NFATC4: variants seen among roughly 807,000 people sequenced by gnomAD.
The protein encoded by NFATC4 is nuclear factor of activated T cells 4, also known as nuclear factor of activated T-cells, cytoplasmic 4.
NFATC4 carries 25 observed loss-of-function variants against 73.4 expected under a neutral mutation model. The observed-to-expected ratio is 0.34, with a 90% CI of 0.25 to 0.48. The LOEUF is 0.48. Ranked by LOEUF, NFATC4 falls within the 20% of genes least tolerant of loss-of-function variation. The probability of loss-of-function intolerance (pLI) is 0.99; values close to 1 mark genes in which losing one functional copy is unlikely to be tolerated. For missense variants in NFATC4, 1,130 were observed against 1,203.7 expected (o/e 0.94, Z 0.91); for synonymous variants, 523 against 510.3 (o/e 1.02, Z -0.34).
At position 24,369,559 on chromosome 14, in the gene NFATC4, A is replaced by G; in HGVS notation, c.161A>G (p.Tyr54Cys). Residue 54 changes from tyrosine (Y) to cysteine (C), a missense_variant, in exon 2 of 10, where the codon TAT (tyrosine) becomes TGT (cysteine). Around this residue, in one of 3 missense-constraint regions of NFATC4, gnomAD observed 585 missense variants for 574.3 expected, o/e 1.02. Transcript: ENST00000250373. ...CTGGCCTTGGGAGAGCCCCCTCCCT[A>G]TGGCGCTGCACCTATCGGTATTCCC... ...CRLALGEPPP[Y>C]GAAPIGIPRP... 1 of 1,610,814 alleles carries G rather than the reference A, an allele frequency of 6.2e-7. No individual in the cohort carries two copies. The highest frequency in any genetic ancestry group is 8.5e-7 in the Non-Finnish European group (1 of 1,178,046).
chr14:24,373,198 A>T lies in NFATC4; in HGVS notation c.1387A>T (p.Thr463Ser). ...CCTAGGCTACAGTGAGAAGCCACTG[A>T]CCCTACAGATGTTCATCGGCACTGC... ...KLLGYSEKPLTLQMFIGTADE... is the reference protein window; with the variant it reads ...KLLGYSEKPLSLQMFIGTADE... The change falls in exon 4 of 10, where the codon ACC becomes TCC. Residue 463 changes from threonine to serine, a missense_variant. Thr to Ser is a moderately conservative substitution (Grantham distance 58, BLOSUM62 1). Coordinates refer to ENST00000250373, the MANE Select transcript of NFATC4 (RefSeq NM_004554.5). The surrounding 1 kb of genome is among the most constrained non-coding windows in gnomAD (Gnocchi z 4.7). 1 of 1,614,138 alleles carries T rather than the reference A, an allele frequency of 6.2e-7. No individual in the cohort carries two copies. The highest frequency in any genetic ancestry group is 2.2e-5 in the East Asian group (1 of 44,880).
Position 24,376,715 on chromosome 14 carries a change from C to T in NFATC4, c.2478C>T (p.Phe826=). The change falls in exon 9 of 10, where the codon TTC becomes TTT. Residue 826 remains phenylalanine (F), a synonymous_variant. Coordinates refer to ENST00000250373, the MANE Select transcript of NFATC4 (RefSeq NM_004554.5). This position sits in a 1 kb window ranked among gnomAD's most constrained non-coding sequence, Gnocchi z 5.0. ...CATCCCCACCGCTTGAAGGCCCCTT[C>T]CCTTCCCAGAGTGATGTGCATCCCC... ...LPASPPLEGP[F]PSQSDVHPLP... is the part of the protein sequence containing the mutation. 1 of 1,613,970 alleles carries T rather than the reference C, an allele frequency of 6.2e-7. No homozygotes were observed. Among genetic ancestry groups the T allele is most frequent in the South Asian group, 1.1e-5 (1 of 91,074 alleles).
chr14:24,374,072 T>C (rs751878261), intron 5 of NFATC4: 1 of 897,014 alleles, frequency 1.1e-6, no homozygotes, highest in Non-Finnish European at 1.8e-6. Flanking sequence ...CTGGACCCTA[T>C]CTATTCCTGG....
At chr14:24,367,338 T>A, upstream of NFATC4, 1 of 1,537,670 alleles carries the variant, frequency 6.5e-7, no homozygotes, top group Non-Finnish European at 8.7e-7. Flanking sequence ...AGAGCCGGAG[T>A]GGGATGCTAT....
At chr14:24,375,384 TCAA>T (rs2042585318) in intron 6 of NFATC4, among the ~76,000 whole-genome samples, 1 of 152,132 alleles carries the variant, frequency 6.6e-6, no homozygotes, top group African/African-American at 2.4e-5. Context: ...GTGGGAGGGC[TCAA>T]GGGTTGCTTC....
Position 24,374,462 on chromosome 14 carries a change from T to C in NFATC4, c.1869T>C (p.Gly623=). ...CCAAGGTGGTGTTCATTGAGAGGGGTCCTGGTGAGTACCTGCTGGGGAGGG... is the reference window on the plus strand; with the variant it reads ...CCAAGGTGGTGTTCATTGAGAGGGGCCCTGGTGAGTACCTGCTGGGGAGGG... ...PDSKVVFIER[G]PDGKLQWEEE... The change falls in exon 6 of 10, where the codon GGT becomes GGC. Residue 623 remains glycine (G), a synonymous_variant. Transcript: ENST00000250373. 6.2e-7 allele frequency: 1 copy of C among 1,611,882 alleles called. No homozygotes were observed. The highest frequency in any genetic ancestry group is 8.5e-7 in the Non-Finnish European group (1 of 1,178,692).
upstream of NFATC4, chr14:24,367,360 T>G (rs761989062): frequency 2.4e-5 from 37 of 1,536,128 alleles, no homozygotes; most frequent in Non-Finnish European, 3.0e-5. Context: ...GGGTCAGAGA[T>G]TCATTCCAGA....
intron 6 of NFATC4, among the ~76,000 whole-genome samples, chr14:24,375,381 G>A (rs2042584815): frequency 6.6e-6 from 1 of 152,070 alleles, no homozygotes; most frequent in Non-Finnish European, 1.5e-5. Flanking sequence ...TGGGTGGGAG[G>A]GCTCAAGGGT....
At position 24,378,251 on chromosome 14, in the gene NFATC4, A is replaced by G. The variant is rs2042681842; in HGVS notation, c.*546A>G. The G allele has an allele frequency of 6.2e-6, 1 of 162,086 alleles. No individual in the cohort carries two copies. Among genetic ancestry groups the G allele is most frequent in the Admixed American group, 5.6e-5 (1 of 17,872 alleles). 10.0% of individuals were successfully genotyped at this position (162,086 alleles called of 1,614,324 possible). ...TTGACTGGGACCAGGATTGGGGGCC[A>G]GGGCTTGAGTAGGCCTCTCCACTCT... On this transcript the variant is annotated 3_prime_UTR_variant, in exon 10 of 10. Transcript: ENST00000250373.
Position 24,373,934 on chromosome 14 carries a change from G to A in NFATC4, c.1732+67G>A. ...CTCTTTTGTCTGTGTGTGTGTGTCTGTCTGCCCATTCCCTCTGCAGCGTCC... is the reference window on the plus strand; with the variant it reads ...CTCTTTTGTCTGTGTGTGTGTGTCTATCTGCCCATTCCCTCTGCAGCGTCC... On this transcript the variant is annotated intron_variant, in intron 5 of 9. Coordinates refer to ENST00000250373, the MANE Select transcript of NFATC4 (RefSeq NM_004554.5). The surrounding 1 kb of genome is among the most constrained non-coding windows in gnomAD (Gnocchi z 4.7). 6.3e-7 allele frequency: 1 copy of A among 1,590,246 alleles called. No homozygotes were observed. Among genetic ancestry groups the A allele is most frequent in the Non-Finnish European group, 8.6e-7 (1 of 1,164,976 alleles).
intron 2 of NFATC4, among the ~76,000 whole-genome samples, chr14:24,371,251 A>C (rs1360305787): frequency 6.6e-6 from 1 of 152,248 alleles, no homozygotes; most frequent in Non-Finnish European, 1.5e-5. Flanking sequence ...AGGGGAAAGA[A>C]ACGTTAACAC....
rs1198506373 is a variant in NFATC4 at position 24,368,963 on chromosome 14, C to T, written c.100+523C>T. The T allele has an allele frequency of 1.4e-5, 14 of 988,012 alleles. No individual in the cohort carries two copies. The African/African-American group carries it at 2.4e-4, about 17-fold the overall frequency. The allele number at this position is 988,012 out of a possible 1,614,324, so 61.2% of individuals were successfully genotyped here. A position where few individuals can be genotyped will look rare whatever the true frequency, so the allele number is the denominator to read the frequency against. ...GCGCTGCCCGCTGCCCCCCTTCCCC[C>T]GGCTGGGCCCAGCACGCATCACCCC... is the stretch of plus-strand genomic sequence containing the variant. On this transcript the variant is annotated intron_variant, in intron 1 of 9. Transcript: ENST00000250373.
intron 5 of NFATC4, 68 bp from the exon 6 acceptor site, chr14:24,374,258 G>T (rs757193536): frequency 1.1e-4 from 166 of 1,545,932 alleles, no homozygotes; most frequent in Non-Finnish European, 1.4e-4. Flanking sequence ...CCCAAAGAGG[G>T]TGGGGACAGA....
intron 2 of NFATC4, 157 bp from the exon 3 acceptor site, chr14:24,372,284 C>T: frequency 2.6e-6 from 2 of 781,698 alleles, no homozygotes; most frequent in Admixed American, 3.1e-5. Flanking sequence ...AAAAAAAATT[C>T]TTTTTTCCCT....
chr14:24,373,417 T>C lies in NFATC4; in HGVS notation c.1559+47T>C. On this transcript the variant is annotated intron_variant, in intron 4 of 9. Transcript: ENST00000250373. The surrounding 1 kb of genome is among the most constrained non-coding windows in gnomAD (Gnocchi z 4.7). ...CTCAGTCCGCAGGCTTTGTACTAGC[T>C]TTCTCCACTGGGCCTATGCTAGCCC... The C allele has an allele frequency of 6.3e-7, 1 of 1,597,696 alleles. No individual in the cohort carries two copies. Among genetic ancestry groups the C allele is most frequent in the South Asian group, 1.1e-5 (1 of 90,418 alleles).
upstream of NFATC4, chr14:24,367,349 C>T (rs1291505687): frequency 2.1e-5 from 32 of 1,536,726 alleles, no homozygotes; most frequent in Non-Finnish European, 2.7e-5. Context: ...GGGATGCTAT[C>T]GGGTCAGAGA....
chr14:24,370,367 T>C lies in NFATC4; in HGVS notation c.969T>C (p.Ala323=), dbSNP rs756856999. The change falls in exon 2 of 10, where the codon GCT becomes GCC. Residue 323 remains alanine, a synonymous_variant. Transcript: ENST00000250373. ...TTGACTATGTGGGGGCCCCACCAGC[T>C]GAGAGCATCCCTCAGAAGACACGGC... ...GPFDYVGAPP[A]ESIPQKTRRT... 1 of 1,613,842 alleles carries C rather than the reference T, an allele frequency of 6.2e-7. No homozygotes were observed. Among genetic ancestry groups the C allele is most frequent in the Non-Finnish European group, 8.5e-7 (1 of 1,179,976 alleles).
Position 24,376,964 on chromosome 14 carries a change from A to G in NFATC4, c.2641+86A>G, listed in dbSNP as rs1277424865. The G allele has an allele frequency of 4.2e-6, 6 of 1,425,504 alleles. No homozygotes were observed. The highest frequency in any genetic ancestry group is 5.5e-6 in the Non-Finnish European group (6 of 1,092,090). The allele number at this position is 1,425,504 out of a possible 1,614,324, so 88.3% of individuals were successfully genotyped here. On this transcript the variant is annotated intron_variant, in intron 9 of 9. Transcript: ENST00000250373. The surrounding 1 kb of genome is among the most constrained non-coding windows in gnomAD (Gnocchi z 5.0). ...GCTGAGGGCTGGAGCTGGGCTTTTC[A>G]GAGATCGGGCATCCCTGGTCTCTCA...
rs199850062 is a variant in NFATC4, at chr14:24,377,734, C to A, written c.*29C>A. On this transcript the variant is annotated 3_prime_UTR_variant, in exon 10 of 10. Transcript: ENST00000250373. This position sits in a 1 kb window ranked among gnomAD's most constrained non-coding sequence, Gnocchi z 4.2. ...ACGTGAACTGTCATCACCTGGCAAC[C>A]CCAGCCCCAGCCTCAGCCCTGCCCC... 1 of 1,614,026 alleles carries A rather than the reference C, an allele frequency of 6.2e-7. No individual in the cohort carries two copies. The highest frequency in any genetic ancestry group is 8.5e-7 in the Non-Finnish European group (1 of 1,179,996).
Sources: gnomAD v4.1 joint callset for allele counts (sites outside exome capture counted in the v4.1 genomes callset) on GRCh38, gnomAD v4.1.1 for gene constraint, gnomAD v4.1.1 regional missense constraint, Gnocchi (gnomAD v3.1) non-coding constraint, MANE v1.5 for transcripts, NCBI Gene and HGNC (gene_info 2026-07-23, HGNC 2026-07-21) for gene names.